The following BACE1-AS variants were observed in gnomAD, a reference collection of about 807,000 sequenced individuals.
BACE1-AS encodes the protein BACE1 antisense RNA.
chr11:117,291,604 T>C (rs1002361591), intron 1 of BACE1-AS: 2 of 784,948 alleles, frequency 2.5e-6, no homozygotes, highest in Non-Finnish European at 2.1e-6. Flanking sequence ...GAGCTCTGAG[T>C]AGAAGGGTCT....
chr11:117,291,834 T>G (rs755898660), intron 2 of BACE1-AS: 2 of 1,578,264 alleles, frequency 1.3e-6, no homozygotes, highest in African/African-American at 1.4e-5. Flanking sequence ...AAAGAGAGAG[T>G]TAAAAGAGTC....
intron 2 of BACE1-AS, chr11:117,291,881 G>A: frequency 8.1e-7 from 1 of 1,239,272 alleles, no homozygotes; most frequent in South Asian, 1.2e-5. Flanking sequence ...GCAGTAGGGG[G>A]TTACTGCTGG....
chr11:117,291,620 C>G (rs1376222889), intron 1 of BACE1-AS: 4 of 925,376 alleles, frequency 4.3e-6, no homozygotes, highest in Non-Finnish European at 7.0e-6. Context: ...GGTCTAAGTG[C>G]AGACATCTTG....
At chr11:117,291,645 A>G in intron 1 of BACE1-AS, 2 of 1,167,532 alleles carry the variant, frequency 1.7e-6, no homozygotes, top group Non-Finnish European at 2.6e-6. Context: ...TTGCTGAAGA[A>G]TGTGACTCTC....
intron 1 of BACE1-AS, among the ~76,000 whole-genome samples, chr11:117,291,549 T>C (rs2034436393): frequency 6.6e-6 from 1 of 152,130 alleles, no homozygotes; most frequent in South Asian, 2.1e-4. Flanking sequence ...GTGCTGGGAT[T>C]ACAGGCGTGA....
At chr11:117,291,776 G>T in intron 2 of BACE1-AS, 1 of 1,613,462 alleles carries the variant, frequency 6.2e-7, no homozygotes, top group South Asian at 1.1e-5. Context: ...ACGAAGGTTG[G>T]TGGTGCCACT....
rs1246940097 is a variant in BACE1-AS, at chr11:117,291,580, G to A, written n.57-123G>A. 4.7e-6 allele frequency: 3 copies of A among 643,850 alleles called. No individual in the cohort carries two copies. In the African/African-American group the frequency reaches 5.5e-5, roughly 12 times the overall value. 39.9% of individuals were successfully genotyped at this position (643,850 alleles called of 1,614,324 possible). A position where few individuals can be genotyped will look rare whatever the true frequency, so the allele number is the denominator to read the frequency against. On this transcript the variant is annotated intron_variant and non_coding_transcript_variant, in intron 1 of 3. Coordinates refer to ENST00000614401, the Ensembl canonical transcript of BACE1-AS. ...CGTGAGCCACCACGCCTGGCTAGGGGAAGAGTGTTTTAAGAGCTCTGAGTA... is the reference window on the plus strand; with the variant it reads ...CGTGAGCCACCACGCCTGGCTAGGGAAAGAGTGTTTTAAGAGCTCTGAGTA...
intron 2 of BACE1-AS, chr11:117,291,915 G>T: frequency 1.4e-6 from 1 of 724,294 alleles, no homozygotes; most frequent in Non-Finnish European, 2.5e-6. Flanking sequence ...TTGGCATCTT[G>T]GCTTTGGCAC....
chr11:117,291,804 C>A, intron 2 of BACE1-AS: 4 of 1,610,322 alleles, frequency 2.5e-6, no homozygotes, highest in Non-Finnish European at 3.4e-6. Context: ...ATGCTCTTGT[C>A]ATAGTTGTAC....
chr11:117,291,804 C>T, intron 2 of BACE1-AS: 1 of 1,610,322 alleles, frequency 6.2e-7, no homozygotes, highest in Non-Finnish European at 8.5e-7. Context: ...ATGCTCTTGT[C>T]ATAGTTGTAC....
chr11:117,291,813 A>G, intron 2 of BACE1-AS: 1 of 1,604,360 alleles, frequency 6.2e-7, no homozygotes, highest in Non-Finnish European at 8.5e-7. Flanking sequence ...TCATAGTTGT[A>G]CTAAGAGGGA....
intron 1 of BACE1-AS, among the ~76,000 whole-genome samples, chr11:117,291,423 G>A (rs1476122968): frequency 6.6e-6 from 1 of 152,082 alleles, no homozygotes; most frequent in African/African-American, 2.4e-5. Context: ...GATTACAGGC[G>A]TGCGCCACCA....
intron 1 of BACE1-AS, chr11:117,291,620 C>T: frequency 2.2e-6 from 2 of 925,494 alleles, no homozygotes; most frequent in Non-Finnish European, 1.7e-6. Context: ...GGTCTAAGTG[C>T]AGACATCTTG....
At chr11:117,291,941 G>A in intron 2 of BACE1-AS, 1 of 590,164 alleles carries the variant, frequency 1.7e-6, no homozygotes, top group Non-Finnish European at 3.1e-6. Context: ...AAGTGTACCT[G>A]CTTGGACAAG....
At chr11:117,291,639 T>C in intron 1 of BACE1-AS, 1 of 1,110,532 alleles carries the variant, frequency 9.0e-7, no homozygotes, top group Non-Finnish European at 1.4e-6. Flanking sequence ...TGGCTGTTGC[T>C]GAAGAATGTG....
At chr11:117,292,028 G>T in intron 2 of BACE1-AS, 1 of 366,218 alleles carries the variant, frequency 2.7e-6, no homozygotes, top group Non-Finnish European at 5.1e-6. Flanking sequence ...TTATTGTAAG[G>T]ATTAAATAAA....
At chr11:117,291,531 C>A (rs1331744505) in intron 1 of BACE1-AS, among the ~76,000 whole-genome samples, 1 of 152,194 alleles carries the variant, frequency 6.6e-6, no homozygotes, top group Non-Finnish European at 1.5e-5. Context: ...CCACCTTGGC[C>A]TCCCAAAGTG....
At chr11:117,291,816 A>C in intron 2 of BACE1-AS, 1 of 1,598,068 alleles carries the variant, frequency 6.3e-7, no homozygotes, top group African/African-American at 1.3e-5. Context: ...TAGTTGTACT[A>C]AGAGGGAAAA....
intron 2 of BACE1-AS, chr11:117,292,152 C>T (rs1385138747): frequency 6.4e-6 from 1 of 157,336 alleles, no homozygotes; most frequent in Non-Finnish European, 1.4e-5. Context: ...AATAAAAATA[C>T]CTTGTTTAGT....
Sources: gnomAD v4.1 joint callset for allele counts (sites outside exome capture counted in the v4.1 genomes callset) on GRCh38, gnomAD v4.1.1 for gene constraint, MANE v1.5 for transcripts, NCBI Gene and HGNC (gene_info 2026-07-23, HGNC 2026-07-21) for gene names.